The following GUCA1C variants were observed in gnomAD, a reference collection of about 807,000 sequenced individuals.
GUCA1C encodes guanylyl cyclase-activating protein 3.
A neutral mutation model predicts 16.2 loss-of-function variants in GUCA1C; 15 were observed. The ratio of observed to expected loss-of-function variants is 0.93; its 90% CI spans 0.62 to 1.43. The LOEUF is 1.43. Ranked by LOEUF, GUCA1C falls within the 40% of genes most tolerant of loss-of-function variation. The pLI is 0.00. For missense variants in GUCA1C, 275 were observed against 244.8 expected, an observed-to-expected ratio of 1.12 and a Z score of -0.82; for synonymous variants, 78 against 85.4, an observed-to-expected ratio of 0.91 and a Z score of 0.48.
At chr3:108,928,209 A>C (rs1324406561) in intron 1 of GUCA1C, among the ~76,000 whole-genome samples, 1 of 152,330 alleles carries the variant, frequency 6.6e-6, no homozygotes. Flanking sequence ...GCAAAAGTCC[A>C]TGATGTCAGT....
intron 2 of GUCA1C, among the ~76,000 whole-genome samples, chr3:108,918,566 G>A (rs930821313): frequency 1.3e-5 from 2 of 152,044 alleles, no homozygotes; most frequent in Non-Finnish European, 2.9e-5. Context: ...TGACCTGGGG[G>A]GTCCTACTAA....
intron 1 of GUCA1C, among the ~76,000 whole-genome samples, chr3:108,927,120 C>G (rs993134982): frequency 1.3e-5 from 2 of 152,172 alleles, no homozygotes; most frequent in African/African-American, 2.4e-5. Flanking sequence ...TAGATTTTCC[C>G]TTATAGGTTG....
rs1383003537 is a variant in GUCA1C at position 108,939,389 on chromosome 3, T to TG, written c.204+14169dup. On this transcript the variant is annotated intron_variant, in intron 1 of 3. Transcript: ENST00000261047. ...CTCTGTCACCCAGGTGGGAGTGCAG[T>TG]GGCATGCTCTCACTGCAACCTCCGC... Among the ~76,000 whole-genome samples the TG allele has an allele frequency of 4.5e-5, 6 of 134,198 alleles. 1 individual carries two copies. Among genetic ancestry groups the TG allele is most frequent in the Non-Finnish European group, 7.8e-5 (5 of 64,434 alleles). 88.0% of individuals were successfully genotyped at this position (134,198 alleles called of 152,430 possible). A position where few individuals can be genotyped will look rare whatever the true frequency, so the allele number is the denominator to read the frequency against.
chr3:108,948,999 C>G (rs187095600), intron 1 of GUCA1C, among the ~76,000 whole-genome samples: 1 of 152,206 alleles, frequency 6.6e-6, no homozygotes, highest in East Asian at 1.9e-4. Context: ...AGGTGCCCAC[C>G]ACCACGCCCG....
intron 1 of GUCA1C, among the ~76,000 whole-genome samples, chr3:108,923,587 G>A (rs746927346): frequency 1.6e-4 from 24 of 152,112 alleles, no homozygotes; most frequent in Non-Finnish European, 2.9e-4. Context: ...GAAATATGAC[G>A]TCTCTATATT....
At chr3:108,944,147 T>C (rs902923761) in intron 1 of GUCA1C, among the ~76,000 whole-genome samples, 1 of 152,208 alleles carries the variant, frequency 6.6e-6, no homozygotes, top group Non-Finnish European at 1.5e-5. Context: ...GTGGAAGATA[T>C]GGTGGCCTCC....
rs549981150 is a variant in GUCA1C, at chr3:108,939,324, C to CTTTTTT, written c.204+14229_204+14234dup. Among the ~76,000 whole-genome samples the CTTTTTT allele has an allele frequency of 1.6e-3, 53 of 32,910 alleles. 8 individuals carry two copies. Among genetic ancestry groups the CTTTTTT allele is most frequent in the African/African-American group, 3.1e-3 (28 of 8,944 alleles). The allele number at this position is 32,910 out of a possible 152,430, so 21.6% of individuals were successfully genotyped here. A position where few individuals can be genotyped will look rare whatever the true frequency, so the allele number is the denominator to read the frequency against. ...TGTTAATATATTACTTGCTTCAAGG[C>CTTTTTT]TTTTTTTTTTTTTTTTTTTTTTTTT... On this transcript the variant is annotated intron_variant, in intron 1 of 3. Coordinates refer to ENST00000261047, the MANE Select transcript of GUCA1C (RefSeq NM_005459.4).
At chr3:108,938,415 G>T (rs896996098) in intron 1 of GUCA1C, among the ~76,000 whole-genome samples, 3 of 152,144 alleles carry the variant, frequency 2.0e-5, no homozygotes, top group African/African-American at 7.2e-5. Context: ...ATGGTCAGAA[G>T]TAAGGAAACC....
At chr3:108,952,106 C>T (rs1031471860) in intron 1 of GUCA1C, among the ~76,000 whole-genome samples, 10 of 152,196 alleles carry the variant, frequency 6.6e-5, no homozygotes, top group African/African-American at 1.9e-4. Flanking sequence ...TAAGAAGCTG[C>T]TGTCTAGAGC....
chr3:108,926,984 A>G lies in GUCA1C; in HGVS notation c.205-6399T>C, dbSNP rs138567214. On this transcript the variant is annotated intron_variant, in intron 1 of 3. Transcript: ENST00000261047. ...AAATGACTGTATCTTTCCTTCATTT[A>G]TGAAGCTCGGTTTCACTGGATACAA... 7.3e-3 allele frequency among the ~76,000 whole-genome samples: 1,112 copies of G among 152,262 alleles called. 12 individuals are homozygous for G. The highest frequency in any genetic ancestry group is 0.025 in the African/African-American group (1,039 of 41,556).
chr3:108,912,726 A>AT (rs1553732724), intron 3 of GUCA1C, among the ~76,000 whole-genome samples: 1 of 150,710 alleles, frequency 6.6e-6, no homozygotes, highest in Non-Finnish European at 1.5e-5. Flanking sequence ...AAAAAAAAAA[A>AT]TTCTAGATAC....
chr3:108,953,408 A>G, intron 1 of GUCA1C, 151 bp downstream of exon 1: 1 of 609,320 alleles, frequency 1.6e-6, no homozygotes, highest in Non-Finnish European at 2.9e-6. Flanking sequence ...TTAATGACTC[A>G]CTTACCTACA....
intron 2 of GUCA1C, among the ~76,000 whole-genome samples, chr3:108,919,147 TTTAA>T (rs1429688633): frequency 6.6e-6 from 1 of 152,186 alleles, no homozygotes; most frequent in African/African-American, 2.4e-5. Context: ...TACTGATTAA[TTTAA>T]TTAGAGACGA....
chr3:108,921,001 G>T (rs1238346765), intron 1 of GUCA1C, among the ~76,000 whole-genome samples: 2 of 152,070 alleles, frequency 1.3e-5, no homozygotes, highest in African/African-American at 4.8e-5. Context: ...TTTACATTCT[G>T]CAAGTCTAGA....
chr3:108,933,353 G>T (rs933205192), intron 1 of GUCA1C, among the ~76,000 whole-genome samples: 1 of 148,044 alleles, frequency 6.8e-6, no homozygotes, highest in Non-Finnish European at 1.5e-5. Flanking sequence ...ACCCCAACAT[G>T]TTTATTGATG....
intron 1 of GUCA1C, among the ~76,000 whole-genome samples, chr3:108,925,138 G>T (rs1946611559): frequency 1.4e-5 from 2 of 147,542 alleles, no homozygotes; most frequent in African/African-American, 5.0e-5. Context: ...ATTTAGTTCT[G>T]CTCTGATCTT....
chr3:108,951,388 T>C (rs971217706), intron 1 of GUCA1C, among the ~76,000 whole-genome samples: 1 of 152,188 alleles, frequency 6.6e-6, no homozygotes, highest in Non-Finnish European at 1.5e-5. Flanking sequence ...TCTCATAACA[T>C]CATGTTGCAT....
At chr3:108,938,690 G>A (rs1946753883) in intron 1 of GUCA1C, among the ~76,000 whole-genome samples, 1 of 152,196 alleles carries the variant, frequency 6.6e-6, no homozygotes, top group Non-Finnish European at 1.5e-5. Context: ...CTGATGAGAG[G>A]CTTGCCTCTG....
At chr3:108,925,749 C>G (rs1946617549) in intron 1 of GUCA1C, among the ~76,000 whole-genome samples, 1 of 152,106 alleles carries the variant, frequency 6.6e-6, no homozygotes, top group South Asian at 2.1e-4. Flanking sequence ...TATTGTGTTG[C>G]CATCTATTTC....
Sources: gnomAD v4.1 joint callset for allele counts (sites outside exome capture counted in the v4.1 genomes callset) on GRCh38, gnomAD v4.1.1 for gene constraint, MANE v1.5 for transcripts, NCBI Gene and HGNC (gene_info 2026-07-23, HGNC 2026-07-21) for gene names.